The following WDR37 variants were observed in gnomAD, a reference collection of about 807,000 sequenced individuals.
WDR37 encodes WD repeat-containing protein 37.
Under a neutral mutation model 62.9 loss-of-function variants are expected in WDR37, and 19 were observed. The ratio of observed to expected loss-of-function variants is 0.30; its 90% CI spans 0.21 to 0.44. WDR37 has a LOEUF of 0.44. Among genes scored for constraint, WDR37 ranks in the 20% least tolerant of loss-of-function variants. The pLI, the probability that WDR37 is intolerant of heterozygous loss-of-function variation, is 1.00. For synonymous variants in WDR37, 250 were observed against 260.9 expected (o/e 0.96, Z 0.40); for missense variants, 474 against 657.6 (o/e 0.72, Z 3.05).
At chr10:1,124,090 A>G in intron 11 of WDR37, 128 bp from the exon 12 acceptor site, 1 of 1,284,934 alleles carries the variant, frequency 7.8e-7, no homozygotes, top group African/African-American at 1.5e-5. Context: ...AGCAGTTTGC[A>G]GAGGAGAGAG....
chr10:1,097,299 C>G (rs1834621453), intron 9 of WDR37, among the ~76,000 whole-genome samples: 1 of 152,146 alleles, frequency 6.6e-6, no homozygotes, highest in African/African-American at 2.4e-5. Context: ...GGAGCCACAG[C>G]TTTAAGCACC....
chr10:1,074,299 T>G lies in WDR37; in HGVS notation c.138+2006T>G, dbSNP rs930134160. ...TGCCTGGGGTGAAAGTGTTCTTTTC[T>G]GGGCCCTGAATGCCCATTCTCCTTT... On this transcript the variant is annotated intron_variant, in intron 2 of 13. Transcript: ENST00000263150. 4.2e-6 allele frequency: 5 copies of G among 1,198,672 alleles called. No homozygotes were observed. In the African/African-American group the frequency reaches 7.9e-5, roughly 19 times the overall value. The allele number at this position is 1,198,672 out of a possible 1,614,324, so 74.3% of individuals were successfully genotyped here. A position where few individuals can be genotyped will look rare whatever the true frequency, so the allele number is the denominator to read the frequency against.
intron 1 of WDR37, among the ~76,000 whole-genome samples, chr10:1,070,290 T>C: frequency 6.6e-6 from 1 of 152,156 alleles, no homozygotes; most frequent in East Asian, 1.9e-4. Context: ...GTGATTAAGT[T>C]AAAGCTTTTA....
chr10:1,077,903 G>A lies in WDR37; in HGVS notation c.139-4G>A. 6.2e-7 allele frequency: 1 copy of A among 1,605,436 alleles called. No individual in the cohort carries two copies. Among genetic ancestry groups the A allele is most frequent in the Non-Finnish European group, 8.5e-7 (1 of 1,176,578 alleles). ...TTCATTTTAAACAAAGTCTTCTTCT[G>A]CAGGATTCTAAACTGCCTTCCTCGG... On this transcript the variant is annotated splice_region_variant and splice_polypyrimidine_tract_variant and intron_variant, in intron 2 of 13. Coordinates refer to ENST00000263150, the MANE Select transcript of WDR37 (RefSeq NM_014023.4).
rs1033855065 is a variant in WDR37, at chr10:1,074,254, C to T, written c.138+1961C>T. Reference sequence around the variant, plus strand: ...GAAACCCTGCAGCCTCCCCTGCTGGCATGTTCTAGAGTTGTCTCCTGCCTG... The same window carrying T: ...GAAACCCTGCAGCCTCCCCTGCTGGTATGTTCTAGAGTTGTCTCCTGCCTG... On this transcript the variant is annotated intron_variant, in intron 2 of 13. Transcript: ENST00000263150. 1.7e-5 allele frequency: 18 copies of T among 1,059,900 alleles called. No individual in the cohort carries two copies. In the African/African-American group the frequency reaches 2.8e-4, roughly 17 times the overall value. The allele number at this position is 1,059,900 out of a possible 1,614,324, so 65.7% of individuals were successfully genotyped here. A position where few individuals can be genotyped will look rare whatever the true frequency, so the allele number is the denominator to read the frequency against.
In WDR37 at chr10:1,056,856, C is replaced by G. The variant is rs35656218; in HGVS notation, c.-153C>G. On this transcript the variant is annotated 5_prime_UTR_variant, in exon 1 of 14. Coordinates refer to ENST00000263150, the MANE Select transcript of WDR37 (RefSeq NM_014023.4). ...TTGTGGGGTCGCGTCAGTGCGGAGA[C>G]AGCGGTGTCCTGCGCGTCTTCGGGT... The G allele has an allele frequency of 0.53, 80,339 of 152,006 alleles. 21,653 individuals carry two copies. Among genetic ancestry groups the G allele is most frequent in the African/African-American group, 0.64 (26,381 of 41,414 alleles). 9.4% of individuals were successfully genotyped at this position (152,006 alleles called of 1,614,324 possible). A position where few individuals can be genotyped will look rare whatever the true frequency, so the allele number is the denominator to read the frequency against.
intron 13 of WDR37, among the ~76,000 whole-genome samples, chr10:1,126,613 C>T (rs545014856): frequency 6.6e-6 from 1 of 152,002 alleles, no homozygotes; most frequent in South Asian, 2.1e-4. Flanking sequence ...CTTGGGTGGC[C>T]CCCTCAGTGC....
chr10:1,092,515 C>T (rs1455770197), intron 7 of WDR37, among the ~76,000 whole-genome samples: 9 of 151,868 alleles, frequency 5.9e-5, no homozygotes, highest in South Asian at 2.1e-4. Context: ...GGACTACAGG[C>T]GCCTGCCACA....
chr10:1,129,573 T>C lies in WDR37; in HGVS notation c.*229T>C, dbSNP rs994281221. 8 of 508,664 alleles carry C rather than the reference T, an allele frequency of 1.6e-5. No homozygotes were observed. In the East Asian group the frequency reaches 2.7e-4, roughly 17 times the overall value. 31.5% of individuals were successfully genotyped at this position (508,664 alleles called of 1,614,324 possible). On this transcript the variant is annotated 3_prime_UTR_variant, in exon 14 of 14. Coordinates refer to ENST00000263150, the MANE Select transcript of WDR37 (RefSeq NM_014023.4). Reference sequence around the variant, plus strand: ...TATGTATATTGGGTCCTCTGGGCAGTAGAGGCAAAGCTCACCTCCCATGTA... The same window carrying C: ...TATGTATATTGGGTCCTCTGGGCAGCAGAGGCAAAGCTCACCTCCCATGTA...
In WDR37 at chr10:1,084,070, T is replaced by C. The variant is rs73578550; in HGVS notation, c.397-333T>C. Among the ~76,000 whole-genome samples, 567 of 152,360 alleles carry C rather than the reference T, an allele frequency of 3.7e-3. 5 individuals are homozygous for C. Among genetic ancestry groups the C allele is most frequent in the African/African-American group, 0.013 (529 of 41,586 alleles). ...GATTTGTTTAAGAATTTGGAAATTTTGTCTCATGGTTTGGGTTTGGGGGAG... is the reference window on the plus strand; with the variant it reads ...GATTTGTTTAAGAATTTGGAAATTTCGTCTCATGGTTTGGGTTTGGGGGAG... On this transcript the variant is annotated intron_variant, in intron 5 of 13. Transcript: ENST00000263150.
chr10:1,117,720 G>A (rs1357923647), intron 11 of WDR37, among the ~76,000 whole-genome samples: 1 of 152,246 alleles, frequency 6.6e-6, no homozygotes, highest in Non-Finnish European at 1.5e-5. Flanking sequence ...GCAGCATGGG[G>A]AGGGGTGGCT....
chr10:1,065,755 C>T (rs977467002), intron 1 of WDR37, among the ~76,000 whole-genome samples: 3 of 152,106 alleles, frequency 2.0e-5, no homozygotes, highest in African/African-American at 7.2e-5. Flanking sequence ...ATATTTTCAC[C>T]CGAATATTCA....
intron 1 of WDR37, among the ~76,000 whole-genome samples, chr10:1,063,375 T>G (rs1833431489): frequency 6.6e-6 from 1 of 152,050 alleles, no homozygotes; most frequent in Non-Finnish European, 1.5e-5. Context: ...CAGGAAACCC[T>G]GCAGCACCAC....
At chr10:1,062,233 A>C (rs141160809) in intron 1 of WDR37, among the ~76,000 whole-genome samples, 268 of 152,348 alleles carry the variant, frequency 1.8e-3, no homozygotes, top group African/African-American at 6.0e-3. Flanking sequence ...GCAGAAAAAG[A>C]TTGCCGGCGG....
At chr10:1,117,914 G>A (rs11250269) in intron 11 of WDR37, among the ~76,000 whole-genome samples, 96,442 of 142,956 alleles carry the variant, frequency 0.67, 33,602 homozygotes, top group Non-Finnish European at 0.79. Flanking sequence ...CATCTGAGCC[G>A]CGTGCACTCA....
chr10:1,122,361 T>G (rs1209503335), intron 11 of WDR37, among the ~76,000 whole-genome samples: 1 of 152,066 alleles, frequency 6.6e-6, no homozygotes, highest in Non-Finnish European at 1.5e-5. Flanking sequence ...CTGTACAGAG[T>G]GAGTGACCCC....
At position 1,077,906 on chromosome 10, in the gene WDR37, G is replaced by T; in HGVS notation, c.139-1G>T. 2 of 1,606,300 alleles carry T rather than the reference G, an allele frequency of 1.2e-6. No homozygotes were observed. Among genetic ancestry groups the T allele is most frequent in the Non-Finnish European group, 1.7e-6 (2 of 1,177,300 alleles). On this transcript the variant is annotated splice_acceptor_variant, in intron 2 of 13. Transcript: ENST00000263150. LOFTEE classifies it high-confidence loss of function. The stretch of plus-strand genomic sequence containing the variant: ...ATTTTAAACAAAGTCTTCTTCTGCA[G>T]GATTCTAAACTGCCTTCCTCGGTTC...
intron 11 of WDR37, among the ~76,000 whole-genome samples, chr10:1,107,002 G>C (rs1361333958): frequency 6.6e-6 from 1 of 152,180 alleles, no homozygotes; most frequent in Non-Finnish European, 1.5e-5. Context: ...TATTCTGCCA[G>C]CTCCGTCAGC....
chr10:1,103,749 G>C lies in WDR37; in HGVS notation c.874G>C (p.Gly292Arg). ...GGTCATCGCCTCCGACTGGCTGGTT[G>C]GGGGGAAGCAGGCTGTGACTGCCTC... is the stretch of plus-strand genomic sequence containing the variant. ...GVVIASDWLV[G>R]GKQAVTASWD... The change falls in exon 10 of 14, where the codon GGG (glycine) becomes CGG (arginine). Residue 292 changes from glycine (G) to arginine (R), a missense_variant. By Grantham distance (125) the Gly-to-Arg change is moderately radical. Transcript: ENST00000263150. This position sits in a 1 kb window ranked among gnomAD's most constrained non-coding sequence, Gnocchi z 6.3. 1 of 1,614,220 alleles carries C rather than the reference G, an allele frequency of 6.2e-7. No individual in the cohort carries two copies. Among genetic ancestry groups the C allele is most frequent in the South Asian group, 1.1e-5 (1 of 91,084 alleles).
Sources: allele counts gnomAD v4.1 joint callset (sites outside exome capture counted in the v4.1 genomes callset), GRCh38; gene constraint gnomAD v4.1.1; non-coding constraint Gnocchi (gnomAD v3.1); transcripts MANE v1.5; gene names NCBI Gene and HGNC (gene_info 2026-07-23, HGNC 2026-07-21).